Variants in TASP1 observed in about 807,000 individuals in gnomAD.
The protein encoded by TASP1 is threonine aspartase 1.
TASP1 carries 16 observed loss-of-function variants against 56.6 expected under a neutral mutation model. The ratio of observed to expected loss-of-function variants is 0.28; its 90% confidence interval spans 0.19 to 0.43. The LOEUF (loss-of-function observed/expected upper bound fraction) is 0.43. Among genes scored for constraint, TASP1 ranks in the 20% least tolerant of loss-of-function variants. The pLI, the probability that TASP1 is intolerant of heterozygous loss-of-function variation, is 1.00. For synonymous variants in TASP1, 179 were observed against 184.2 expected (o/e 0.97, Z 0.23); for missense variants, 393 against 511.6 (o/e 0.77, Z 2.24).
chr20:13,444,289 GCTAGTGTTCCACCTTC>G (rs2043321667), intron 11 of TASP1, among the ~76,000 whole-genome samples: 1 of 152,188 alleles, frequency 6.6e-6, no homozygotes, highest in Non-Finnish European at 1.5e-5. Flanking sequence ...GAAGGTAGCT[GCTAGTGTTCCACCTTC>G]CCATTACATT....
the TASP1 span, among the ~76,000 whole-genome samples, chr20:13,250,374 T>A: frequency 6.6e-6 from 1 of 152,174 alleles, no homozygotes; most frequent in Admixed American, 6.5e-5. Flanking sequence ...TGCGGAGAAT[T>A]TCACACGTAC....
chr20:13,248,961 C>T, the TASP1 span, among the ~76,000 whole-genome samples: 12 of 152,260 alleles, frequency 7.9e-5, no homozygotes, highest in South Asian at 6.2e-4. Flanking sequence ...ACTTCTTAAG[C>T]GGCTTGTACA....
At chr20:13,502,489 C>A (rs6042180) in intron 10 of TASP1, among the ~76,000 whole-genome samples, 1 of 152,030 alleles carries the variant, frequency 6.6e-6, no homozygotes, top group African/African-American at 2.4e-5. Flanking sequence ...TACCATAGAC[C>A]TATAGGTCAA....
intron 4 of TASP1, among the ~76,000 whole-genome samples, chr20:13,601,073 C>A (rs768120648): frequency 5.3e-5 from 8 of 152,070 alleles, no homozygotes; most frequent in Non-Finnish European, 1.2e-4. Flanking sequence ...CTCAGGAGTT[C>A]GAGACCAGCC....
At chr20:13,490,295 C>A (rs2043477179) in intron 10 of TASP1, among the ~76,000 whole-genome samples, 1 of 151,918 alleles carries the variant, frequency 6.6e-6, no homozygotes, top group African/African-American at 2.4e-5. Flanking sequence ...AAATGGAGTC[C>A]TGCATATTTT....
At chr20:13,442,786 T>C (rs2043268259) in intron 11 of TASP1, among the ~76,000 whole-genome samples, 1 of 152,100 alleles carries the variant, frequency 6.6e-6, no homozygotes, top group African/African-American at 2.4e-5. Context: ...CATCCAATTA[T>C]TTAATGAAAG....
chr20:13,636,312 A>ATTT (rs1173047379), intron 1 of TASP1, among the ~76,000 whole-genome samples: 1 of 132,810 alleles, frequency 7.5e-6, no homozygotes. Flanking sequence ...TGCCGGGCTA[A>ATTT]TTTTTTTTTT....
the TASP1 span, chr20:13,279,760 G>C: frequency 2.5e-6 from 4 of 1,613,868 alleles, no homozygotes; most frequent in African/African-American, 5.3e-5. Context: ...CCTGTCCTTG[G>C]CCAGGGCAAA....
intron 11 of TASP1, among the ~76,000 whole-genome samples, chr20:13,436,412 A>T (rs2043004437): frequency 6.6e-6 from 1 of 152,022 alleles, no homozygotes; most frequent in African/African-American, 2.4e-5. Context: ...ACCGTGACAC[A>T]GGCTGCAAGC....
intron 6 of TASP1, among the ~76,000 whole-genome samples, chr20:13,574,693 A>G (rs564956106): frequency 5.9e-5 from 9 of 152,318 alleles, no homozygotes; most frequent in South Asian, 2.1e-4. Flanking sequence ...AAAGAAATAA[A>G]ACACAAGCTG....
chr20:13,296,412 T>A, the TASP1 span, among the ~76,000 whole-genome samples: 2 of 152,212 alleles, frequency 1.3e-5, no homozygotes, highest in Non-Finnish European at 2.9e-5. Flanking sequence ...GGAGAGGATT[T>A]ATTCAAAGGA....
chr20:13,242,141 G>T, the TASP1 span, among the ~76,000 whole-genome samples: 2 of 152,170 alleles, frequency 1.3e-5, no homozygotes, highest in African/African-American at 2.4e-5. Flanking sequence ...AGGGAAGAGG[G>T]TGGTTGAGAT....
the TASP1 span, among the ~76,000 whole-genome samples, chr20:13,246,680 C>T: frequency 6.6e-6 from 1 of 152,204 alleles, no homozygotes; most frequent in Non-Finnish European, 1.5e-5. Flanking sequence ...ATGGCAAAGC[C>T]ATGATTAAAT....
At chr20:13,588,654 T>A (rs2047410519) in intron 4 of TASP1, among the ~76,000 whole-genome samples, 1 of 151,976 alleles carries the variant, frequency 6.6e-6, no homozygotes, top group African/African-American at 2.4e-5. Flanking sequence ...ATTGAAAAAA[T>A]TTTTAATTCA....
intron 4 of TASP1, among the ~76,000 whole-genome samples, chr20:13,587,915 TAGCTGTTCAAGACCACTC>T (rs2047368065): frequency 2.0e-5 from 3 of 152,006 alleles, no homozygotes; most frequent in African/African-American, 7.2e-5. Flanking sequence ...CACTTGAGCC[TAGCTGTTCAAGACCACTC>T]TGGGCAACAC....
At chr20:13,318,160 T>TAAATAAATAAATAAATAAAA in the TASP1 span, among the ~76,000 whole-genome samples, 78 of 151,258 alleles carry the variant, frequency 5.2e-4, no homozygotes, top group South Asian at 4.6e-3. Flanking sequence ...AATAAATAAA[T>TAAATAAATAAATAAATAAAA]AAAAATGAGC....
chr20:13,435,677 G>T (rs2042977081), intron 11 of TASP1, among the ~76,000 whole-genome samples: 1 of 152,126 alleles, frequency 6.6e-6, no homozygotes, highest in South Asian at 2.1e-4. Context: ...GAGTCTGGTG[G>T]TTAGAAAGAG....
the TASP1 span, among the ~76,000 whole-genome samples, chr20:13,249,155 A>G: frequency 2.0e-5 from 3 of 152,344 alleles, no homozygotes; most frequent in Admixed American, 2.0e-4. Flanking sequence ...ATAAGGACAC[A>G]AAGATCTGGG....
chr20:13,138,630 A>C, the TASP1 span, among the ~76,000 whole-genome samples: 1 of 152,186 alleles, frequency 6.6e-6, no homozygotes, highest in African/African-American at 2.4e-5. Context: ...ATTTATAAAC[A>C]ATTAGAATGT....
Sources: allele counts gnomAD v4.1 joint callset (sites outside exome capture counted in the v4.1 genomes callset), GRCh38; gene constraint gnomAD v4.1.1; transcripts MANE v1.5; gene names NCBI Gene and HGNC (gene_info 2026-07-23, HGNC 2026-07-21).